The following INTS2 variants were observed in gnomAD, a reference collection of about 807,000 sequenced individuals.
INTS2 encodes the protein integrator complex subunit 2, also known as KIAA1287.
INTS2 carries 57 observed loss-of-function variants against 139.6 expected under a neutral mutation model. The observed-to-expected ratio is 0.41, with a 90% CI of 0.33 to 0.51. The LOEUF (loss-of-function observed/expected upper bound fraction) is 0.51, where lower values mean the gene tolerates loss of function less well. INTS2 is among the 20% of genes least tolerant of loss of function. The pLI is 0.28. For missense variants in INTS2, 1,196 were observed against 1,436.7 expected (o/e 0.83, Z 2.71); for synonymous variants, 473 against 493.4 (o/e 0.96, Z 0.55).
chr17:61,887,850 C>T (rs1336758480), intron 15 of INTS2, among the ~76,000 whole-genome samples: 2 of 151,064 alleles, frequency 1.3e-5, no homozygotes, highest in African/African-American at 4.9e-5. Context: ...GTCAGGAGTT[C>T]GAGACCAGCC....
intron 8 of INTS2, among the ~76,000 whole-genome samples, chr17:61,907,045 G>C (rs148760299): frequency 2.7e-5 from 4 of 150,702 alleles, no homozygotes; most frequent in Admixed American, 2.6e-4. Context: ...GCTGTAAAAG[G>C]AAACAAAGGA....
At chr17:61,926,319 T>C in intron 2 of INTS2, 33 bp downstream of exon 2, 1 of 1,499,944 alleles carries the variant, frequency 6.7e-7, no homozygotes. Context: ...CTTTGTCAAA[T>C]CCAAATCCAC....
At chr17:61,886,725 G>T (rs758393431) in intron 15 of INTS2, among the ~76,000 whole-genome samples, 7 of 152,112 alleles carry the variant, frequency 4.6e-5, no homozygotes, top group Non-Finnish European at 4.4e-5. Flanking sequence ...TACACCACAG[G>T]AATATATGAG....
chr17:61,927,557 A>T (rs1327810095), intron 1 of INTS2, 97 bp downstream of exon 1: 2 of 896,928 alleles, frequency 2.2e-6, no homozygotes, highest in Non-Finnish European at 2.8e-6. Flanking sequence ...CCCGGGCGCA[A>T]CTAGAACCAA....
chr17:61,888,807 G>A (rs920948630), intron 15 of INTS2, among the ~76,000 whole-genome samples: 12 of 152,158 alleles, frequency 7.9e-5, no homozygotes, highest in African/African-American at 2.6e-4. Flanking sequence ...GGCGGATCAC[G>A]AGGTTAGGAG....
Position 61,881,077 on chromosome 17 carries a change from A to G in INTS2, c.2184T>C (p.Thr728=), listed in dbSNP as rs763568716. 3.1e-6 allele frequency: 5 copies of G among 1,613,732 alleles called. No homozygotes were observed. In the South Asian group the frequency reaches 5.5e-5, roughly 18 times the overall value. ...DWICEEEITG[T]DALLRRMLLT... is the part of the protein sequence containing the mutation. ...GGAGCATTCGCCGTAGCAGGGCATCAGTCCCTGTGATTTCTTCTTCACAAA... is the reference window on the plus strand; with the variant it reads ...GGAGCATTCGCCGTAGCAGGGCATCGGTCCCTGTGATTTCTTCTTCACAAA... The change falls in exon 17 of 25, where the codon ACT becomes ACC. Residue 728 remains threonine, a synonymous_variant. Transcript: ENST00000251334.
intron 5 of INTS2, among the ~76,000 whole-genome samples, chr17:61,912,563 A>C (rs1382931714): frequency 2.0e-5 from 3 of 152,092 alleles, no homozygotes; most frequent in Non-Finnish European, 2.9e-5. Context: ...TGGAGGTTGC[A>C]GTGAGCCAAG....
At chr17:61,878,918 C>T (rs1230093059) in intron 17 of INTS2, among the ~76,000 whole-genome samples, 4 of 99,128 alleles carry the variant, frequency 4.0e-5, no homozygotes, top group African/African-American at 1.8e-4. Context: ...GACTGGGCAA[C>T]AGACCCTGTC....
intron 16 of INTS2, among the ~76,000 whole-genome samples, chr17:61,884,652 T>C (rs1567895179): frequency 6.6e-6 from 1 of 152,162 alleles, no homozygotes; most frequent in Non-Finnish European, 1.5e-5. Flanking sequence ...TGCAATTTCA[T>C]ACAGTTCAAC....
At chr17:61,874,430 A>G (rs1389405340) in intron 19 of INTS2, among the ~76,000 whole-genome samples, 6 of 152,200 alleles carry the variant, frequency 3.9e-5, no homozygotes, top group East Asian at 3.8e-4. Flanking sequence ...ACTAAATTCT[A>G]CCTTTTGAGA....
At chr17:61,877,063 G>A (rs1456229281) in intron 18 of INTS2, among the ~76,000 whole-genome samples, 2 of 152,120 alleles carry the variant, frequency 1.3e-5, no homozygotes, top group African/African-American at 2.4e-5. Context: ...AACAGGAAAA[G>A]GGGCAATGTG....
At chr17:61,878,754 C>A (rs1185182114) in intron 17 of INTS2, among the ~76,000 whole-genome samples, 1 of 151,660 alleles carries the variant, frequency 6.6e-6, no homozygotes, top group Non-Finnish European at 1.5e-5. Context: ...CCAGTCTGGG[C>A]AACATGGCAA....
chr17:61,908,017 T>C (rs774705090), intron 7 of INTS2, among the ~76,000 whole-genome samples: 5 of 152,218 alleles, frequency 3.3e-5, no homozygotes, highest in African/African-American at 4.8e-5. Context: ...GACGATTATA[T>C]ACCTTTAGGC....
Position 61,875,891 on chromosome 17 carries a change from A to G in INTS2, c.2457-853T>C, listed in dbSNP as rs9914007. Among the ~76,000 whole-genome samples, 13,718 of 152,180 alleles carry G rather than the reference A, an allele frequency of 0.09. 2,097 individuals are homozygous for G. Among genetic ancestry groups the G allele is most frequent in the African/African-American group, 0.31 (12,857 of 41,484 alleles). On this transcript the variant is annotated intron_variant, in intron 18 of 24. Coordinates refer to ENST00000251334, the MANE Select transcript of INTS2 (RefSeq NM_001351695.2). This position sits in a 1 kb window ranked among gnomAD's most constrained non-coding sequence, Gnocchi z 4.6. Reference sequence around the variant, plus strand: ...TTAGAATTAAGAAGAACAGGGCCTGACACAGTGGCTCACACCTGTGAAATC... The same window carrying G: ...TTAGAATTAAGAAGAACAGGGCCTGGCACAGTGGCTCACACCTGTGAAATC...
At chr17:61,888,233 G>A (rs1200755041) in intron 15 of INTS2, among the ~76,000 whole-genome samples, 1 of 151,878 alleles carries the variant, frequency 6.6e-6, no homozygotes, top group East Asian at 1.9e-4. Context: ...AGCCAGGCAT[G>A]GTGGTGTCCA....
Position 61,926,575 on chromosome 17 carries a change from C to G in INTS2, c.70G>C (p.Val24Leu). Residue 24 changes from valine to leucine, a missense_variant, in exon 2 of 25, where the codon GTT (valine) becomes CTT (leucine). Val to Leu is a conservative substitution (Grantham distance 32, BLOSUM62 1). Coordinates refer to ENST00000251334, the MANE Select transcript of INTS2 (RefSeq NM_001351695.2). ...AFEAMQKVDV[V>L]CLASLSDPEL... The stretch of plus-strand genomic sequence containing the variant: ...GGATCACTTAAAGATGCCAGGCAAA[C>G]AACATCCACCTTCTGCATTGCCTCA... The G allele has an allele frequency of 6.2e-7, 1 of 1,613,038 alleles. No individual in the cohort carries two copies. Among genetic ancestry groups the G allele is most frequent in the Non-Finnish European group, 8.5e-7 (1 of 1,179,428 alleles).
chr17:61,874,716 A>G (rs1408865969), intron 19 of INTS2, among the ~76,000 whole-genome samples, 197 bp downstream of exon 19: 1 of 152,238 alleles, frequency 6.6e-6, no homozygotes, highest in African/African-American at 2.4e-5. Flanking sequence ...TTTATTAATC[A>G]CATACTAAAT....
Position 61,881,058 on chromosome 17 carries a change from T to C in INTS2, c.2203A>G (p.Met735Val). ...ITGTDALLRRMLLTNNAKNHS... is the reference protein window; with the variant it reads ...ITGTDALLRRVLLTNNAKNHS... Reference sequence around the variant, plus strand: ...TTTTTAGCATTATTAGTCAGGAGCATTCGCCGTAGCAGGGCATCAGTCCCT... The same window carrying C: ...TTTTTAGCATTATTAGTCAGGAGCACTCGCCGTAGCAGGGCATCAGTCCCT... Residue 735 changes from methionine to valine, a missense_variant, in exon 17 of 25, where the codon ATG (methionine) becomes GTG (valine). Met to Val is a conservative substitution (Grantham distance 21). This residue lies in a region of INTS2 where 1,129 missense variants were observed against 1,341.9 expected (regional missense o/e 0.84). Coordinates refer to ENST00000251334, the MANE Select transcript of INTS2 (RefSeq NM_001351695.2). 6.2e-7 allele frequency: 1 copy of C among 1,613,900 alleles called. No homozygotes were observed. The highest frequency in any genetic ancestry group is 8.5e-7 in the Non-Finnish European group (1 of 1,179,788).
chr17:61,888,564 C>CGTGTGTGCGTGTGT (rs1555622465), intron 15 of INTS2, among the ~76,000 whole-genome samples: 2 of 119,596 alleles, frequency 1.7e-5, no homozygotes, highest in African/African-American at 5.7e-5. Flanking sequence ...TGTGTGCGTG[C>CGTGTGTGCGTGTGT]GTGTGTGTGT....
Sources: gnomAD v4.1 joint callset for allele counts (sites outside exome capture counted in the v4.1 genomes callset) on GRCh38, gnomAD v4.1.1 for gene constraint, gnomAD v4.1.1 regional missense constraint, Gnocchi (gnomAD v3.1) non-coding constraint, MANE v1.5 for transcripts, NCBI Gene and HGNC (gene_info 2026-07-23, HGNC 2026-07-21) for gene names.